Variants in CASK observed in about 807,000 individuals in gnomAD.
CASK encodes the protein peripheral plasma membrane protein CASK.
CASK carries 4 observed loss-of-function variants against 82.9 expected under a neutral mutation model. That is an observed-to-expected ratio of 0.05 (90% CI 0.02 to 0.11). The LOEUF (loss-of-function observed/expected upper bound fraction) is 0.11, where lower values mean the gene tolerates loss of function less well. CASK is among the 10% of genes least tolerant of loss of function. The pLI, the probability that CASK is intolerant of heterozygous loss-of-function variation, is 1.00. For synonymous variants in CASK, 259 were observed against 253.5 expected, an observed-to-expected ratio of 1.02 and a Z score of -0.20; for missense variants, 358 against 720.9, an observed-to-expected ratio of 0.50 and a Z score of 5.76.
intron 11 of CASK, among the ~76,000 whole-genome samples, chrX:41,616,495 C>G (rs777612692): frequency 8.9e-6 from 1 of 111,770 alleles, no homozygotes; most frequent in South Asian, 3.7e-4. Flanking sequence ...ATAGGCTATG[C>G]TAGGAAACAT....
chrX:41,720,459 T>C (rs17146109), intron 5 of CASK, among the ~76,000 whole-genome samples: 1,256 of 112,870 alleles, frequency 0.011, 23 homozygotes, highest in African/African-American at 0.038. Flanking sequence ...CAAGGCTTAC[T>C]TACCACTGCC....
chrX:41,648,954 G>C (rs1345015571), intron 8 of CASK, among the ~76,000 whole-genome samples: 1 of 111,310 alleles, frequency 9.0e-6, no homozygotes, highest in Admixed American at 9.6e-5. Context: ...TCTATTCAGG[G>C]ATTCAACTTC....
intron 2 of CASK, among the ~76,000 whole-genome samples, chrX:41,848,141 C>T (rs1322335878): frequency 8.9e-6 from 1 of 112,508 alleles, no homozygotes; most frequent in African/African-American, 3.2e-5. Context: ...TGAAATTAAA[C>T]AACTACCTCT....
At chrX:41,689,524 T>C (rs2067503996) in intron 5 of CASK, among the ~76,000 whole-genome samples, 1 of 111,904 alleles carries the variant, frequency 8.9e-6, no homozygotes, top group Non-Finnish European at 1.9e-5. Context: ...TTATTACTAT[T>C]TTATAGTATT....
chrX:41,783,505 C>T (rs1194595613), intron 3 of CASK, among the ~76,000 whole-genome samples: 13 of 105,301 alleles, frequency 1.2e-4, no homozygotes, highest in Non-Finnish European at 1.6e-4. Context: ...GCCAAGATCG[C>T]GCCGCTGCAC....
chrX:41,878,666 G>A (rs931606601), intron 1 of CASK, among the ~76,000 whole-genome samples: 1 of 110,808 alleles, frequency 9.0e-6, no homozygotes, highest in African/African-American at 3.3e-5. Context: ...TACAACAAGT[G>A]TAAATGTAAC....
In CASK at chrX:41,905,621, G is replaced by A. The variant is rs777924410; in HGVS notation, c.59+17309C>T. 3.5e-5 allele frequency among the ~76,000 whole-genome samples: 4 copies of A among 112,944 alleles called. No homozygotes were observed. In the East Asian group the frequency reaches 8.3e-4, roughly 23 times the overall value. ...CTAGTGGCTACAATATAAAGCAGAC[G>A]GCAGGATTTGGCCTATGGCCCCTTC... On this transcript the variant is annotated intron_variant, in intron 1 of 26. Coordinates refer to ENST00000378163, the MANE Select transcript of CASK (RefSeq NM_001367721.1).
chrX:41,736,494 T>C (rs1268424259), intron 5 of CASK, among the ~76,000 whole-genome samples: 3 of 111,533 alleles, frequency 2.7e-5, no homozygotes, highest in Non-Finnish European at 5.7e-5. Flanking sequence ...GGCGAGACCC[T>C]GTATCAAAAA....
rs771576407 is a variant in CASK at position 41,793,733 on chromosome X, A to G, written c.173-6450T>C. ...TTCAATAAATATTAATAACAAAATA[A>G]GTAAATGAAAGTCATTATTGACTCA... On this transcript the variant is annotated intron_variant, in intron 2 of 26. Coordinates refer to ENST00000378163, the MANE Select transcript of CASK (RefSeq NM_001367721.1). Among the ~76,000 whole-genome samples the G allele has an allele frequency of 4.5e-5, 5 of 112,265 alleles. No individual in the cohort carries two copies. In the Admixed American group the frequency reaches 4.8e-4, roughly 11 times the overall value.
chrX:41,761,566 T>C (rs1326899983), intron 3 of CASK, among the ~76,000 whole-genome samples: 1 of 112,293 alleles, frequency 8.9e-6, no homozygotes, highest in African/African-American at 3.2e-5. Context: ...TCAATATTGG[T>C]ATTTGTAAAA....
At chrX:41,568,007 T>C (rs1284973304) in intron 16 of CASK, among the ~76,000 whole-genome samples, 5 of 105,169 alleles carry the variant, frequency 4.8e-5, no homozygotes, top group Admixed American at 2.1e-4. Context: ...CCAAACACCG[T>C]ATGTTCTCAC....
chrX:41,580,433 G>A (rs1321569582), intron 14 of CASK, among the ~76,000 whole-genome samples: 3 of 110,821 alleles, frequency 2.7e-5, no homozygotes, highest in African/African-American at 9.9e-5. Context: ...CACTCACCCC[G>A]GCCTCCCAAA....
intron 25 of CASK, 146 bp downstream of exon 25, chrX:41,530,861 C>T: frequency 1.9e-6 from 1 of 538,299 alleles, no homozygotes; most frequent in Non-Finnish European, 3.2e-6. Context: ...GACTGTGAAC[C>T]CCCAACGCCT....
At chrX:41,770,848 T>C (rs2069232222) in intron 3 of CASK, among the ~76,000 whole-genome samples, 2 of 107,517 alleles carry the variant, frequency 1.9e-5, no homozygotes, top group African/African-American at 6.8e-5. Flanking sequence ...GACCAAAGCA[T>C]GGAGAAAAAA....
chrX:41,813,772 C>T (rs1422131798), intron 2 of CASK, among the ~76,000 whole-genome samples: 2 of 111,680 alleles, frequency 1.8e-5, no homozygotes, highest in African/African-American at 6.5e-5. Context: ...AGCTTCTGCA[C>T]AGCAAAAGAA....
At chrX:41,607,820 G>A (rs1230823448) in intron 12 of CASK, among the ~76,000 whole-genome samples, 1 of 111,897 alleles carries the variant, frequency 8.9e-6, no homozygotes, top group East Asian at 2.8e-4. Flanking sequence ...GGAAATAGCA[G>A]TGTGACCTAG....
chrX:41,874,713 C>T (rs997860563), intron 1 of CASK, among the ~76,000 whole-genome samples: 1 of 112,376 alleles, frequency 8.9e-6, no homozygotes, highest in African/African-American at 3.2e-5. Flanking sequence ...AAGGAAATTG[C>T]ATTATGCTAA....
At chrX:41,727,725 C>T in intron 5 of CASK, 1 of 1,205,176 alleles carries the variant, frequency 8.3e-7, no homozygotes, top group Non-Finnish European at 1.1e-6. Context: ...AAATAAGAAC[C>T]TGTACGTCCA....
intron 1 of CASK, among the ~76,000 whole-genome samples, chrX:41,918,505 CCAT>C (rs1440121090): frequency 2.7e-5 from 3 of 112,034 alleles, no homozygotes; most frequent in Non-Finnish European, 3.8e-5. Context: ...TAGTGGAAAA[CCAT>C]CATCAACTGT....
Sources: allele counts gnomAD v4.1 joint callset (sites outside exome capture counted in the v4.1 genomes callset), GRCh38; gene constraint gnomAD v4.1.1; transcripts MANE v1.5; gene names NCBI Gene and HGNC (gene_info 2026-07-23, HGNC 2026-07-21).